Variants in USP40 observed in about 807,000 individuals in gnomAD.
USP40 encodes ubiquitin carboxyl-terminal hydrolase 40.
A neutral mutation model predicts 166.2 loss-of-function variants in USP40; 143 were observed. The ratio of observed to expected loss-of-function variants is 0.86; its 90% confidence interval spans 0.75 to 0.99. USP40 has a LOEUF of 0.99. Among genes scored for constraint, USP40 ranks in the 50% least tolerant of loss-of-function variants. The pLI, the probability that USP40 is intolerant of heterozygous loss-of-function variation, is 0.00. For missense variants in USP40, 1,444 were observed against 1,479.7 expected (o/e 0.98, Z 0.40); for synonymous variants, 498 against 524.0 (o/e 0.95, Z 0.68).
At position 233,566,690 on chromosome 2, in the gene USP40, A is replaced by G. The variant is rs1403902199; in HGVS notation, c.-26T>C. ...GGGCGCCAGCCGCACTTACTGCCTA[A>G]AGCCCAGACCCCCGCCCTGGCCAAA... is the stretch of plus-strand genomic sequence containing the variant. On this transcript the variant is annotated 5_prime_UTR_variant, in exon 1 of 32. Coordinates refer to ENST00000678225, the MANE Select transcript of USP40 (RefSeq NM_001365479.2). 7.9e-5 allele frequency: 78 copies of G among 986,080 alleles called. No individual in the cohort carries two copies. The highest frequency in any genetic ancestry group is 9.2e-5 in the Non-Finnish European group (76 of 830,216). The allele number at this position is 986,080 out of a possible 1,614,324, so 61.1% of individuals were successfully genotyped here. A position where few individuals can be genotyped will look rare whatever the true frequency, so the allele number is the denominator to read the frequency against.
At chr2:233,549,335 G>C (rs759971353) in intron 7 of USP40, 106 bp from the exon 8 acceptor site, 1 of 756,070 alleles carries the variant, frequency 1.3e-6, no homozygotes, top group Non-Finnish European at 2.0e-6. Context: ...AAACTTCACT[G>C]TTTGTTATTT....
At chr2:233,559,757 C>T in intron 4 of USP40, 54 bp downstream of exon 4, 3 of 1,294,114 alleles carry the variant, frequency 2.3e-6, no homozygotes, top group African/African-American at 3.0e-5. Flanking sequence ...TTAAACCAGC[C>T]TTATTCTTTC....
At chr2:233,507,784 G>A (rs1308209025) in intron 21 of USP40, among the ~76,000 whole-genome samples, 1 of 152,076 alleles carries the variant, frequency 6.6e-6, no homozygotes, top group Non-Finnish European at 1.5e-5. Flanking sequence ...ACAGTAGGGT[G>A]ATGATAGTTA....
At chr2:233,482,686 G>C (rs1242208149) in intron 30 of USP40, among the ~76,000 whole-genome samples, 1 of 151,640 alleles carries the variant, frequency 6.6e-6, no homozygotes, top group South Asian at 2.1e-4. Flanking sequence ...CACCTCCTGG[G>C]GTCAAGTGAT....
intron 27 of USP40, 79 bp downstream of exon 27, chr2:233,489,286 T>C (rs2065149152): frequency 1.5e-6 from 2 of 1,331,520 alleles, no homozygotes; most frequent in African/African-American, 1.5e-5. Flanking sequence ...CTCAGAAGAC[T>C]GATTCCTCCT....
chr2:233,544,647 G>A (rs1339338598), intron 8 of USP40, among the ~76,000 whole-genome samples: 5 of 152,292 alleles, frequency 3.3e-5, no homozygotes, highest in Non-Finnish European at 7.4e-5. Flanking sequence ...AAGTTCCAAG[G>A]AGCTCTGTGC....
intron 20 of USP40, among the ~76,000 whole-genome samples, chr2:233,510,392 C>CTTTTTT (rs1158427662): frequency 0.02 from 1,398 of 68,572 alleles, 51 homozygotes; most frequent in Non-Finnish European, 0.025. Context: ...CTTTTTCTTT[C>CTTTTTT]TTTTTTTTTT....
chr2:233,540,854 T>C (rs576730667), intron 9 of USP40, 85 bp from the exon 10 acceptor site: 2 of 869,214 alleles, frequency 2.3e-6, no homozygotes, highest in Non-Finnish European at 3.6e-6. Flanking sequence ...AACAGGATTA[T>C]ACCTAATTAA....
intron 3 of USP40, chr2:233,561,076 T>C: frequency 2.1e-6 from 3 of 1,409,742 alleles, no homozygotes; most frequent in Non-Finnish European, 2.9e-6. Context: ...AAATTATTGC[T>C]TTGTGAACAA....
chr2:233,524,627 A>C, intron 14 of USP40, 65 bp from the exon 15 acceptor site: 1 of 1,275,098 alleles, frequency 7.8e-7, no homozygotes, highest in Non-Finnish European at 1.1e-6. Context: ...CTAAAGAAAG[A>C]GCTGAGACAA....
intron 10 of USP40, among the ~76,000 whole-genome samples, chr2:233,539,541 A>G (rs922072599): frequency 1.3e-5 from 2 of 152,186 alleles, no homozygotes; most frequent in African/African-American, 2.4e-5. Flanking sequence ...AAGAAAAAAT[A>G]AGAGAAATTA....
chr2:233,489,246 T>A, intron 27 of USP40, 119 bp downstream of exon 27: 1 of 938,608 alleles, frequency 1.1e-6, no homozygotes, highest in Non-Finnish European at 1.7e-6. Flanking sequence ...AAGCGTGGCA[T>A]GACCAGGAAT....
chr2:233,512,863 G>A (rs1402450406), intron 18 of USP40: 5 of 234,754 alleles, frequency 2.1e-5, no homozygotes, highest in African/African-American at 4.5e-5. Flanking sequence ...TTGTGCAGTA[G>A]TGCAAGACTA....
At chr2:233,478,386 C>T (rs1057387944) in intron 31 of USP40, among the ~76,000 whole-genome samples, 2 of 152,182 alleles carry the variant, frequency 1.3e-5, no homozygotes, top group East Asian at 1.9e-4. Context: ...GGCACTGTCT[C>T]GGAGTAGCTT....
rs1452498162 is a variant in USP40, at chr2:233,519,667, A to T, written c.2330T>A (p.Val777Glu). Reference sequence around the variant, plus strand: ...TATGGCTTTAATTCGAATATCAAACACCATCTAAAACAGAGAAATAAAATA... The same window carrying T: ...TATGGCTTTAATTCGAATATCAAACTCCATCTAAAACAGAGAAATAAAATA... Reference protein sequence around the residue: ...VKISATVNTMVFDIRIKAIKE... With the variant: ...VKISATVNTMEFDIRIKAIKE... Residue 777 changes from valine to glutamate, a missense_variant, in exon 18 of 32, where the codon GTG becomes GAG. Transcript: ENST00000678225. The T allele has an allele frequency of 1.4e-6, 2 of 1,395,858 alleles. No homozygotes were observed. Among genetic ancestry groups the T allele is most frequent in the Non-Finnish European group, 2.0e-6 (2 of 1,020,692 alleles). The allele number at this position is 1,395,858 out of a possible 1,614,324, so 86.5% of individuals were successfully genotyped here.
At chr2:233,519,150 AT>A (rs1444962489) in intron 18 of USP40, among the ~76,000 whole-genome samples, 1 of 152,240 alleles carries the variant, frequency 6.6e-6, no homozygotes, top group Admixed American at 6.5e-5. Flanking sequence ...TAATGGAAGT[AT>A]TCTAAAACTG....
chr2:233,562,930 T>C (rs1253969074), intron 2 of USP40, 127 bp from the exon 3 acceptor site: 2 of 589,360 alleles, frequency 3.4e-6, no homozygotes, highest in African/African-American at 1.9e-5. Context: ...GCAATATTTA[T>C]ACCTTACTCT....
At chr2:233,494,623 T>A (rs1257365754) in intron 24 of USP40, among the ~76,000 whole-genome samples, 1 of 151,756 alleles carries the variant, frequency 6.6e-6, no homozygotes, top group Non-Finnish European at 1.5e-5. Context: ...CCCAGTACTT[T>A]GGGGAGGCTG....
Position 233,533,568 on chromosome 2 carries a change from C to T in USP40, c.1382G>A (p.Arg461Lys). Residue 461 changes from arginine to lysine, a missense_variant, in exon 11 of 32, where the codon AGG becomes AAG. Physicochemically the swap from Arg to Lys is conservative, Grantham distance 26. Transcript: ENST00000678225. ...DINDSKVQPIREKDIEQQFQG... is the reference protein window; with the variant it reads ...DINDSKVQPIKEKDIEQQFQG... ...AAATTGCTGTTCAATATCCTTTTCC[C>T]TGATTGGCTGGACTTTAGAATCATT... 4 of 1,613,840 alleles carry T rather than the reference C, an allele frequency of 2.5e-6. No homozygotes were observed. Among genetic ancestry groups the T allele is most frequent in the Non-Finnish European group, 3.4e-6 (4 of 1,179,818 alleles).
Sources: allele counts gnomAD v4.1 joint callset (sites outside exome capture counted in the v4.1 genomes callset), GRCh38; gene constraint gnomAD v4.1.1; transcripts MANE v1.5; gene names NCBI Gene and HGNC (gene_info 2026-07-23, HGNC 2026-07-21).